Variants in TNXB observed in about 807,000 individuals in gnomAD.
The protein encoded by TNXB is tenascin-X.
Under a neutral mutation model 340.5 loss-of-function variants are expected in TNXB, and 183 were observed. The observed-to-expected ratio is 0.54, with a 90% CI of 0.48 to 0.61. The LOEUF (loss-of-function observed/expected upper bound fraction) is 0.61, where lower values mean the gene tolerates loss of function less well. Among genes scored for constraint, TNXB ranks in the 20% least tolerant of loss-of-function variants. The probability of loss-of-function intolerance (pLI) is 0.00; values close to 1 mark genes in which losing one functional copy is unlikely to be tolerated. For synonymous variants in TNXB, 2,121 were observed against 2,314.5 expected (o/e 0.92, Z 2.40); for missense variants, 4,613 against 5,446.4 (o/e 0.85, Z 4.82).
In TNXB at chr6:32,095,127, C is replaced by A; in HGVS notation, c.2307G>T (p.Trp769Cys). ...CATCCACGGGGCCAGGAGCCGGGGT[C>A]CACTCTGTCCGAACTGTTGTCTCCT... is the stretch of plus-strand genomic sequence containing the variant. ...LLEETTVRTE[W>C]TPAPGPVDAY... The change falls in exon 4 of 44, where the codon TGG becomes TGT. Residue 769 changes from tryptophan to cysteine, a missense_variant. This residue lies in a region of TNXB where 4,327 missense variants were observed against 4,859.4 expected (regional missense o/e 0.89). Coordinates refer to ENST00000644971, the MANE Select transcript of TNXB (RefSeq NM_001365276.2). The A allele has an allele frequency of 1.3e-6, 2 of 1,549,716 alleles. No individual in the cohort carries two copies. The highest frequency in any genetic ancestry group is 2.0e-5 in the Admixed American group (1 of 51,002).
chr6:32,108,644 G>A lies in TNXB; in HGVS notation c.-9+537C>T, dbSNP rs147737827. On this transcript the variant is annotated intron_variant, in intron 1 of 43. Coordinates refer to ENST00000644971, the MANE Select transcript of TNXB (RefSeq NM_001365276.2). The surrounding 1 kb of genome is among the most constrained non-coding windows in gnomAD (Gnocchi z 4.8). Reference sequence around the variant, plus strand: ...CCTCCCTCCCTGCAACTCTCACGCTGCCACCTAGGGAGTCCCCATTTGGAT... The same window carrying A: ...CCTCCCTCCCTGCAACTCTCACGCTACCACCTAGGGAGTCCCCATTTGGAT... Among the ~76,000 whole-genome samples the A allele has an allele frequency of 2.0e-5, 3 of 152,128 alleles. No individual in the cohort carries two copies. Among genetic ancestry groups the A allele is most frequent in the African/African-American group, 7.2e-5 (3 of 41,494 alleles).
At chr6:32,056,462 C>A in intron 23 of TNXB, 124 bp downstream of exon 23, 2 of 1,476,086 alleles carry the variant, frequency 1.4e-6, no homozygotes, top group Non-Finnish European at 9.1e-7. Context: ...CAAGGGGAGC[C>A]CCAGCCACAA....
In TNXB at chr6:32,058,030, CAA is replaced by C; in HGVS notation, c.7825+26_7825+27del. On this transcript the variant is annotated intron_variant, in intron 22 of 43. Transcript: ENST00000644971. This position sits in a 1 kb window ranked among gnomAD's most constrained non-coding sequence, Gnocchi z 5.1. The stretch of plus-strand genomic sequence containing the variant: ...GGGCACATTTTCTAGGGCTGTCTTC[CAA>C]CCCTGCCCCACCCACACTCACTCAC... 29 of 1,576,040 alleles carry C rather than the reference CAA, an allele frequency of 1.8e-5. No homozygotes were observed. The highest frequency in any genetic ancestry group is 2.5e-5 in the Non-Finnish European group (29 of 1,161,732).
rs141927657 is a variant in TNXB, at chr6:32,068,753, C to T, written c.5903-46G>A. On this transcript the variant is annotated intron_variant, in intron 16 of 43. Coordinates refer to ENST00000644971, the MANE Select transcript of TNXB (RefSeq NM_001365276.2). The surrounding 1 kb of genome is among the most constrained non-coding windows in gnomAD (Gnocchi z 5.3). ...AGAGGACTGAGGTGGGCAGGGTATC[C>T]GCGGGACTCTGCTGTCCTCTGGACT... is the stretch of plus-strand genomic sequence containing the variant. 5.6e-5 allele frequency: 90 copies of T among 1,598,148 alleles called. 1 individual carries two copies. The African/African-American group carries it at 7.5e-4, about 13-fold the overall frequency.
chr6:32,086,453 G>T (rs910670281), intron 6 of TNXB, among the ~76,000 whole-genome samples: 1 of 152,186 alleles, frequency 6.6e-6, no homozygotes, highest in Non-Finnish European at 1.5e-5. Context: ...TGGTGGTCAG[G>T]TGGCTTCCAT....
Position 32,097,014 on chromosome 6 carries a change from C to T in TNXB, c.839G>A (p.Cys280Tyr), listed in dbSNP as rs1421030417. The change falls in exon 3 of 44, where the codon TGC (cysteine) becomes TAC (tyrosine). Residue 280 changes from cysteine (C) to tyrosine (Y), a missense_variant. By Grantham distance (194) the Cys-to-Tyr change is radical. This residue lies in a region of TNXB where 4,327 missense variants were observed against 4,859.4 expected (regional missense o/e 0.89). Coordinates refer to ENST00000644971, the MANE Select transcript of TNXB (RefSeq NM_001365276.2). This position sits in a 1 kb window ranked among gnomAD's most constrained non-coding sequence, Gnocchi z 5.9. ...CCCCCTCTGACTGCAACCGCGAGGG[C>T]AGCTCCTCATGCCACAGTCGTCACC... ...YTGDDCGMRS[C>Y]PRGCSQRGRC... 6.2e-7 allele frequency: 1 copy of T among 1,613,672 alleles called. No homozygotes were observed. The highest frequency in any genetic ancestry group is 1.1e-5 in the South Asian group (1 of 91,038).
chr6:32,107,296 G>C (rs1366390802), intron 1 of TNXB, among the ~76,000 whole-genome samples: 1 of 152,178 alleles, frequency 6.6e-6, no homozygotes, highest in Non-Finnish European at 1.5e-5. Flanking sequence ...CACCAGGAAG[G>C]AGTGAAGAGA....
chr6:32,061,517 C>T lies in TNXB; in HGVS notation c.7372G>A (p.Gly2458Arg), dbSNP rs751515333. 4.3e-5 allele frequency: 70 copies of T among 1,613,604 alleles called. No homozygotes were observed. Among genetic ancestry groups the T allele is most frequent in the Non-Finnish European group, 5.6e-5 (66 of 1,179,856 alleles). Reference protein sequence around the residue: ...RDGRPQVVRVGGEESEVTVGG... With the variant: ...RDGRPQVVRVRGEESEVTVGG... Reference sequence around the variant, plus strand: ...ACGGTGACCTCGCTCTCCTCGCCCCCAACACGCACCACCTGGGGCCGCCCG... The same window carrying T: ...ACGGTGACCTCGCTCTCCTCGCCCCTAACACGCACCACCTGGGGCCGCCCG... Residue 2458 changes from glycine (G) to arginine (R), a missense_variant, in exon 21 of 44, where the codon GGG becomes AGG. By Grantham distance (125) the Gly-to-Arg change is moderately radical. Coordinates refer to ENST00000644971, the MANE Select transcript of TNXB (RefSeq NM_001365276.2). This position sits in a 1 kb window ranked among gnomAD's most constrained non-coding sequence, Gnocchi z 4.4.
rs1214343187 is a variant in TNXB, at chr6:32,082,906, T to G, written c.3446-580A>C. 6.6e-6 allele frequency among the ~76,000 whole-genome samples: 1 copy of G among 152,094 alleles called. No homozygotes were observed. The highest frequency in any genetic ancestry group is 1.5e-5 in the Non-Finnish European group (1 of 68,002). On this transcript the variant is annotated intron_variant, in intron 8 of 43. Coordinates refer to ENST00000644971, the MANE Select transcript of TNXB (RefSeq NM_001365276.2). The surrounding 1 kb of genome is among the most constrained non-coding windows in gnomAD (Gnocchi z 5.0). ...CCATCAGCATTTCAACAAGCTACTG[T>G]CACACCCCTCCTCACCCCCACTCTG...
rs1455874918 is a variant in TNXB, at chr6:32,057,025, C to T, written c.7826-122G>A. 10 of 1,254,314 alleles carry T rather than the reference C, an allele frequency of 8.0e-6. No individual in the cohort carries two copies. The African/African-American group carries it at 1.2e-4, about 15-fold the overall frequency. The allele number at this position is 1,254,314 out of a possible 1,614,324, so 77.7% of individuals were successfully genotyped here. On this transcript the variant is annotated intron_variant, in intron 22 of 43. Transcript: ENST00000644971. ...AGGACGATGCTGCCCACAGCCCCTC[C>T]AGCACAGCTCTTCATCCTCTCCTCT...
chr6:32,095,928 T>C lies in TNXB; in HGVS notation c.1925A>G (p.Tyr642Cys). The C allele has an allele frequency of 6.2e-7, 1 of 1,612,814 alleles. No individual in the cohort carries two copies. The highest frequency in any genetic ancestry group is 1.3e-5 in the African/African-American group (1 of 74,998). ...GCGGGTGGCACAGGTAGGGCCGGTG[T>C]AGCCTGGGTCGCACAGGCAGCGCCC... ...EEGRCLCDPG[Y>C]TGPTCATRMC... Residue 642 changes from tyrosine to cysteine, a missense_variant, in exon 3 of 44, where the codon TAC becomes TGC. Around this residue, in one of 7 missense-constraint regions of TNXB, gnomAD observed 4,327 missense variants for 4,859.4 expected, o/e 0.89. Transcript: ENST00000644971.
chr6:32,072,744 G>C lies in TNXB; in HGVS notation c.4682-446C>G, dbSNP rs1446743358. Among the ~76,000 whole-genome samples, 1 of 152,270 alleles carries C rather than the reference G, an allele frequency of 6.6e-6. No homozygotes were observed. Among genetic ancestry groups the C allele is most frequent in the African/African-American group, 2.4e-5 (1 of 41,470 alleles). Reference sequence around the variant, plus strand: ...GCGGGTGGATCACCTGAGGTCAGGAGTTTGAGGCCAGCCTGGCCAACATGG... The same window carrying C: ...GCGGGTGGATCACCTGAGGTCAGGACTTTGAGGCCAGCCTGGCCAACATGG... On this transcript the variant is annotated intron_variant, in intron 12 of 43. Coordinates refer to ENST00000644971, the MANE Select transcript of TNXB (RefSeq NM_001365276.2). The surrounding 1 kb of genome is among the most constrained non-coding windows in gnomAD (Gnocchi z 4.4).
rs148293546 is a variant in TNXB, at chr6:32,072,457, T to C, written c.4682-159A>G. ...GCAGCATTTCTTTCCAAAACTAATA[T>C]AGAAAACCCACCAGAGTAGAATTAT... On this transcript the variant is annotated intron_variant, in intron 12 of 43. Transcript: ENST00000644971. The surrounding 1 kb of genome is among the most constrained non-coding windows in gnomAD (Gnocchi z 4.4). 2.6e-4 allele frequency among the ~76,000 whole-genome samples: 40 copies of C among 152,310 alleles called. 1 individual carries two copies. The East Asian group carries it at 7.5e-3, about 29-fold the overall frequency.
chr6:32,077,798 G>A (rs537744713), intron 11 of TNXB, among the ~76,000 whole-genome samples: 5 of 152,286 alleles, frequency 3.3e-5, no homozygotes, highest in Middle Eastern at 3.4e-3. Context: ...AGGCCAAGGC[G>A]GGTGGATCAC....
intron 24 of TNXB, 28 bp downstream of exon 24, chr6:32,055,823 G>A (rs1362867426): frequency 2.5e-6 from 4 of 1,594,514 alleles, no homozygotes; most frequent in Non-Finnish European, 3.4e-6. Context: ...ATCTTCTAGG[G>A]CCATCTTCCT....
Position 32,095,997 on chromosome 6 carries a change from C to A in TNXB, c.1856G>T (p.Arg619Leu). The A allele has an allele frequency of 6.2e-7, 1 of 1,612,928 alleles. No homozygotes were observed. Among genetic ancestry groups the A allele is most frequent in the Non-Finnish European group, 8.5e-7 (1 of 1,179,772 alleles). ...CCCGTGGCAGTTGGAGGGGCAGGTGCGGATGCTGCAGTCCTCACTCACGTA... is the reference window on the plus strand; with the variant it reads ...CCCGTGGCAGTTGGAGGGGCAGGTGAGGATGCTGCAGTCCTCACTCACGTA... ...EGYVSEDCSI[R>L]TCPSNCHGRG... The change falls in exon 3 of 44, where the codon CGC (arginine) becomes CTC (leucine). Residue 619 changes from arginine (R) to leucine (L), a missense_variant. Physicochemically the swap from Arg to Leu is moderately radical, Grantham distance 102 (BLOSUM62 -2). Transcript: ENST00000644971.
Position 32,085,536 on chromosome 6 carries a change from C to T in TNXB, c.3148+214G>A, listed in dbSNP as rs1407154222. Among the ~76,000 whole-genome samples the T allele has an allele frequency of 6.6e-6, 1 of 152,134 alleles. No homozygotes were observed. The highest frequency in any genetic ancestry group is 1.9e-4 in the East Asian group (1 of 5,188). On this transcript the variant is annotated intron_variant, in intron 7 of 43. Coordinates refer to ENST00000644971, the MANE Select transcript of TNXB (RefSeq NM_001365276.2). The surrounding 1 kb of genome is among the most constrained non-coding windows in gnomAD (Gnocchi z 6.4). Reference sequence around the variant, plus strand: ...TTTACCTCTGCCTCTTTCCCCTCTCCCCACCCATCCTTATCATTGTTTTAA... The same window carrying T: ...TTTACCTCTGCCTCTTTCCCCTCTCTCCACCCATCCTTATCATTGTTTTAA...
chr6:32,088,805 G>C lies in TNXB; in HGVS notation c.2759C>G (p.Ala920Gly), dbSNP rs764272386. 3.2e-6 allele frequency: 5 copies of C among 1,576,114 alleles called. No homozygotes were observed. The highest frequency in any genetic ancestry group is 4.3e-6 in the Non-Finnish European group (5 of 1,161,840). The change falls in exon 6 of 44, where the codon GCT becomes GGT. Residue 920 changes from alanine to glycine, a missense_variant. This residue lies in a region of TNXB where 4,327 missense variants were observed against 4,859.4 expected (regional missense o/e 0.89). Coordinates refer to ENST00000644971, the MANE Select transcript of TNXB (RefSeq NM_001365276.2). Reference sequence around the variant, plus strand: ...CATACCTGTGTTGGCCCTGACAGAAGCTGGGTAGCTGACTGCCCGGCCCCG... The same window carrying C: ...CATACCTGTGTTGGCCCTGACAGAACCTGGGTAGCTGACTGCCCGGCCCCG... ...AERGRAVSYP[A>G]SVRANTGSSP...
Position 32,081,938 on chromosome 6 carries a change from G to T in TNXB, c.3736+98C>A. The T allele has an allele frequency of 8.1e-7, 1 of 1,240,592 alleles. No homozygotes were observed. The highest frequency in any genetic ancestry group is 1.1e-6 in the Non-Finnish European group (1 of 895,628). 76.8% of individuals were successfully genotyped at this position (1,240,592 alleles called of 1,614,324 possible). A position where few individuals can be genotyped will look rare whatever the true frequency, so the allele number is the denominator to read the frequency against. ...GAGTGGGGCCGGGAAGCTGGAGTCA[G>T]CTGTCTTGCTGGGGGACCCCAGCTG... On this transcript the variant is annotated intron_variant, in intron 9 of 43. Transcript: ENST00000644971. This position sits in a 1 kb window ranked among gnomAD's most constrained non-coding sequence, Gnocchi z 5.1.
Sources: allele counts gnomAD v4.1 joint callset (sites outside exome capture counted in the v4.1 genomes callset), GRCh38; gene constraint gnomAD v4.1.1; regional missense constraint gnomAD v4.1.1; non-coding constraint Gnocchi (gnomAD v3.1); transcripts MANE v1.5; gene names NCBI Gene and HGNC (gene_info 2026-07-23, HGNC 2026-07-21).